Variants in CSMD1 observed in about 807,000 individuals in gnomAD.
The protein encoded by CSMD1 is CUB and Sushi multiple domains 1.
In CSMD1, 213 loss-of-function variants were observed where a neutral mutation model predicts 417.5. That is an observed-to-expected ratio of 0.51 (90% CI 0.46 to 0.57). CSMD1 has a LOEUF of 0.57. Among genes scored for constraint, CSMD1 ranks in the 20% least tolerant of loss-of-function variants. The probability of loss-of-function intolerance (pLI) is 0.00; values close to 1 mark genes in which losing one functional copy is unlikely to be tolerated. For synonymous variants in CSMD1, 2,862 were observed against 1,736.8 expected (o/e 1.65, Z -16.11); for missense variants, 6,923 against 4,529.7 (o/e 1.53, Z -15.17).
intron 15 of CSMD1, among the ~76,000 whole-genome samples, chr8:3,401,844 C>A (rs1265986859): frequency 6.6e-6 from 1 of 151,988 alleles, no homozygotes; most frequent in Non-Finnish European, 1.5e-5. Flanking sequence ...CTGATGGAGA[C>A]CAAAAATATT....
intron 1 of CSMD1, among the ~76,000 whole-genome samples, chr8:4,693,382 A>G (rs1216189336): frequency 1.3e-5 from 2 of 152,204 alleles, no homozygotes; most frequent in Non-Finnish European, 2.9e-5. Flanking sequence ...AAACAGCTGG[A>G]TGGTAGGAGG....
At chr8:4,177,001 G>A (rs1026544612) in intron 3 of CSMD1, among the ~76,000 whole-genome samples, 1 of 151,940 alleles carries the variant, frequency 6.6e-6, no homozygotes, top group East Asian at 1.9e-4. Context: ...ACACCCCACT[G>A]TCAACATTAG....
intron 3 of CSMD1, among the ~76,000 whole-genome samples, chr8:4,418,824 C>A (rs1410497505): frequency 2.0e-5 from 3 of 152,142 alleles, no homozygotes; most frequent in African/African-American, 7.2e-5. Context: ...GTGATAGACC[C>A]TTTCCAGCCA....
chr8:4,674,123 A>G (rs769446102), intron 1 of CSMD1, among the ~76,000 whole-genome samples: 20 of 152,200 alleles, frequency 1.3e-4, no homozygotes, highest in South Asian at 2.1e-4. Context: ...AACATTGGCC[A>G]TCTCACAGCA....
chr8:4,553,441 T>A (rs1391770079), intron 2 of CSMD1, among the ~76,000 whole-genome samples: 2 of 127,558 alleles, frequency 1.6e-5, no homozygotes, highest in Non-Finnish European at 3.5e-5. Flanking sequence ...GAAAAAGAAT[T>A]TTTTTTTTTT....
chr8:3,917,296 T>C (rs1034557288), intron 5 of CSMD1, among the ~76,000 whole-genome samples: 6 of 152,136 alleles, frequency 3.9e-5, no homozygotes, highest in Non-Finnish European at 8.8e-5. Flanking sequence ...AATTAGGTGA[T>C]GCGTTGGGAG....
intron 3 of CSMD1, among the ~76,000 whole-genome samples, chr8:4,136,903 G>A (rs1157723241): frequency 6.6e-6 from 1 of 152,194 alleles, no homozygotes; most frequent in East Asian, 1.9e-4. Flanking sequence ...AAAGAAAACA[G>A]TCACAGCCAC....
intron 12 of CSMD1, among the ~76,000 whole-genome samples, chr8:3,416,711 G>A (rs534514708): frequency 6.6e-6 from 1 of 152,144 alleles, no homozygotes; most frequent in Non-Finnish European, 1.5e-5. Context: ...TTGATGGCAT[G>A]TCAGGCAAGG....
At chr8:3,685,731 C>CTT (rs35755010) in intron 7 of CSMD1, among the ~76,000 whole-genome samples, 1 of 151,182 alleles carries the variant, frequency 6.6e-6, no homozygotes, top group Non-Finnish European at 1.5e-5. Flanking sequence ...CAATTTCTTT[C>CTT]TTTTTTTTTA....
chr8:4,345,665 T>TA (rs1800737523), intron 3 of CSMD1, among the ~76,000 whole-genome samples: 1 of 152,090 alleles, frequency 6.6e-6, no homozygotes, highest in Non-Finnish European at 1.5e-5. Flanking sequence ...GGAAGAGACC[T>TA]TTCTCAAGAT....
chr8:3,936,252 C>G (rs1428300724), intron 5 of CSMD1, among the ~76,000 whole-genome samples: 1 of 151,128 alleles, frequency 6.6e-6, no homozygotes, highest in Non-Finnish European at 1.5e-5. Flanking sequence ...TGATGGAAAG[C>G]TACAGCAAGT....
chr8:3,724,168 T>G (rs187178394), intron 6 of CSMD1, among the ~76,000 whole-genome samples: 2 of 146,360 alleles, frequency 1.4e-5, no homozygotes, highest in African/African-American at 5.0e-5. Context: ...TTTGCAAAAA[T>G]AGAAAACAAT....
At chr8:4,133,954 G>T (rs1362754059) in intron 3 of CSMD1, among the ~76,000 whole-genome samples, 2 of 152,150 alleles carry the variant, frequency 1.3e-5, no homozygotes, top group East Asian at 1.9e-4. Context: ...TTCAGGTCAT[G>T]CAAACAAACA....
chr8:3,804,308 G>A (rs1389600836), intron 5 of CSMD1, among the ~76,000 whole-genome samples: 8 of 152,014 alleles, frequency 5.3e-5, no homozygotes, highest in Admixed American at 3.3e-4. Flanking sequence ...AATTTTTTTT[G>A]TGCTGAGACC....
At chr8:4,789,497 C>G (rs1180852982) in intron 1 of CSMD1, among the ~76,000 whole-genome samples, 2 of 152,112 alleles carry the variant, frequency 1.3e-5, no homozygotes, top group African/African-American at 2.4e-5. Flanking sequence ...TGGATAAATG[C>G]TAAAGCCACC....
chr8:4,245,474 A>C (rs1211437096), intron 3 of CSMD1, among the ~76,000 whole-genome samples: 1 of 152,132 alleles, frequency 6.6e-6, no homozygotes, highest in Non-Finnish European at 1.5e-5. Flanking sequence ...CAACTCAGCA[A>C]ACAAAAACTC....
At chr8:4,847,250 A>C (rs995651652) in intron 1 of CSMD1, among the ~76,000 whole-genome samples, 3 of 152,208 alleles carry the variant, frequency 2.0e-5, no homozygotes, top group Non-Finnish European at 2.9e-5. Context: ...TTGATGATGC[A>C]TTATATCTTT....
At chr8:4,186,215 T>C (rs1798667041) in intron 3 of CSMD1, among the ~76,000 whole-genome samples, 1 of 152,030 alleles carries the variant, frequency 6.6e-6, no homozygotes, top group Non-Finnish European at 1.5e-5. Context: ...CACTGGAAGC[T>C]CAGGACGGCC....
intron 7 of CSMD1, among the ~76,000 whole-genome samples, chr8:3,662,606 G>T (rs990182388): frequency 6.6e-6 from 1 of 152,182 alleles, no homozygotes; most frequent in Non-Finnish European, 1.5e-5. Flanking sequence ...CATCCTTGAA[G>T]AATCTCCACA....
Sources: allele counts gnomAD v4.1 joint callset (sites outside exome capture counted in the v4.1 genomes callset), GRCh38; gene constraint gnomAD v4.1.1; transcripts MANE v1.5; gene names NCBI Gene and HGNC (gene_info 2026-07-23, HGNC 2026-07-21).